Variants in BCAT1 observed in about 807,000 individuals in gnomAD.
BCAT1 encodes the protein branched-chain-amino-acid aminotransferase, cytosolic.
Under a neutral mutation model 52.4 loss-of-function variants are expected in BCAT1, and 48 were observed. The ratio of observed to expected loss-of-function variants is 0.92; its 90% CI spans 0.73 to 1.16. The LOEUF is 1.16. Among genes scored for constraint, BCAT1 ranks in the 50% most tolerant of loss-of-function variants. The pLI is 0.00. For synonymous variants in BCAT1, 167 were observed against 161.3 expected (o/e 1.04, Z -0.27); for missense variants, 451 against 457.1 (o/e 0.99, Z 0.12).
At chr12:24,834,716 C>T in intron 8 of BCAT1, 1 of 1,047,616 alleles carries the variant, frequency 9.5e-7, no homozygotes, top group Non-Finnish European at 1.2e-6. Context: ...GTTTCAATTT[C>T]TCTCAGTCTA....
At chr12:24,874,983 G>T (rs1182617548) in intron 5 of BCAT1, among the ~76,000 whole-genome samples, 2 of 141,018 alleles carry the variant, frequency 1.4e-5, no homozygotes, top group African/African-American at 5.3e-5. Flanking sequence ...ACATATAGAA[G>T]TCAGCCAAAA....
At chr12:24,837,146 A>AAGGAAGAAAGAG (rs66475442) in intron 7 of BCAT1, among the ~76,000 whole-genome samples, 1 of 91,930 alleles carries the variant, frequency 1.1e-5, no homozygotes, top group Non-Finnish European at 2.6e-5. Context: ...GGAAGGAAGG[A>AAGGAAGAAAGAG]AAGTTATCTA....
At chr12:24,874,631 T>C (rs1215459350) in intron 5 of BCAT1, among the ~76,000 whole-genome samples, 2 of 152,242 alleles carry the variant, frequency 1.3e-5, no homozygotes, top group Non-Finnish European at 2.9e-5. Context: ...GGCAGACATA[T>C]ATTTCATTCC....
chr12:24,874,547 T>A (rs1942274678), intron 5 of BCAT1, among the ~76,000 whole-genome samples: 1 of 152,228 alleles, frequency 6.6e-6, no homozygotes, highest in South Asian at 2.1e-4. Context: ...AGTTTAGCTT[T>A]CAATTATATA....
rs1189543138 is a variant in BCAT1, at chr12:24,815,033, A to T, written c.*2975T>A. On this transcript the variant is annotated 3_prime_UTR_variant, in exon 11 of 11. Transcript: ENST00000261192. ...AGCATGGAACACATCTCTGAAGTCA[A>T]CTCTTCTTTTGGTGTATCACGAGTT... 1 of 151,892 alleles carries T rather than the reference A, an allele frequency of 6.6e-6. No homozygotes were observed. The highest frequency in any genetic ancestry group is 2.4e-5 in the African/African-American group (1 of 41,372). 9.4% of individuals were successfully genotyped at this position (151,892 alleles called of 1,614,324 possible).
chr12:24,882,564 T>C (rs1942533013), intron 3 of BCAT1, among the ~76,000 whole-genome samples: 1 of 151,980 alleles, frequency 6.6e-6, no homozygotes, highest in Non-Finnish European at 1.5e-5. Context: ...CAGAAAAAGA[T>C]ATATCATGCA....
chr12:24,876,260 TAA>T (rs71448093), intron 5 of BCAT1, among the ~76,000 whole-genome samples: 24 of 109,852 alleles, frequency 2.2e-4, no homozygotes, highest in Admixed American at 1.2e-3. Flanking sequence ...GAGGGAGATG[TAA>T]AAAAAAAAAA....
intron 2 of BCAT1, among the ~76,000 whole-genome samples, chr12:24,895,919 T>G (rs1347261923): frequency 6.6e-6 from 1 of 152,210 alleles, no homozygotes; most frequent in African/African-American, 2.4e-5. Context: ...GACAGAATAT[T>G]ACTGTAATGT....
intron 1 of BCAT1, among the ~76,000 whole-genome samples, chr12:24,931,059 C>A (rs1212343939): frequency 1.3e-5 from 2 of 151,886 alleles, no homozygotes; most frequent in African/African-American, 4.8e-5. Flanking sequence ...CCCACCACCA[C>A]GCCTGGCTAA....
intron 10 of BCAT1, among the ~76,000 whole-genome samples, chr12:24,828,198 A>G (rs145947127): frequency 2.6e-5 from 4 of 152,380 alleles, no homozygotes; most frequent in South Asian, 2.1e-4. Flanking sequence ...TTACTTTTCA[A>G]TGTAAGTCTC....
intron 1 of BCAT1, among the ~76,000 whole-genome samples, chr12:24,931,245 T>C (rs1943671592): frequency 6.6e-6 from 1 of 151,940 alleles, no homozygotes; most frequent in African/African-American, 2.4e-5. Flanking sequence ...AGAAGAAATA[T>C]GAAGAGTAAA....
At chr12:24,871,506 T>C (rs1487938814) in intron 5 of BCAT1, among the ~76,000 whole-genome samples, 2 of 152,176 alleles carry the variant, frequency 1.3e-5, no homozygotes, top group Non-Finnish European at 2.9e-5. Context: ...TAAAATTACA[T>C]GTATAAAAAG....
At chr12:24,831,732 G>A (rs981790401) in intron 9 of BCAT1, among the ~76,000 whole-genome samples, 1 of 152,182 alleles carries the variant, frequency 6.6e-6, no homozygotes, top group Non-Finnish European at 1.5e-5. Context: ...GTTGTTCAAG[G>A]ATCTGCTATA....
intron 6 of BCAT1, 116 bp downstream of exon 6, chr12:24,849,670 C>T (rs576384302): frequency 9.5e-6 from 11 of 1,155,446 alleles, no homozygotes; most frequent in South Asian, 9.0e-5. Flanking sequence ...AACCATGAAA[C>T]ACAATGAGCA....
chr12:24,891,712 T>C (rs1473280356), intron 3 of BCAT1, among the ~76,000 whole-genome samples: 1 of 151,996 alleles, frequency 6.6e-6, no homozygotes, highest in African/African-American at 2.4e-5. Flanking sequence ...CCAATCAAAG[T>C]AGCATTCCAA....
chr12:24,880,191 G>A (rs944293434), intron 4 of BCAT1, among the ~76,000 whole-genome samples: 32 of 152,216 alleles, frequency 2.1e-4, no homozygotes, highest in Admixed American at 2.0e-4. Context: ...GCTCATGCCT[G>A]TAATCCCAGA....
In BCAT1 at chr12:24,855,058, G is replaced by T. The variant is rs1351198812; in HGVS notation, c.511-5109C>A. Among the ~76,000 whole-genome samples, 6 of 152,258 alleles carry T rather than the reference G, an allele frequency of 3.9e-5. No homozygotes were observed. In the East Asian group the frequency reaches 9.7e-4, roughly 25 times the overall value. The stretch of plus-strand genomic sequence containing the variant: ...AAAGTCCAGTCATCCTGCTAGCCTT[G>T]AGAAGTAAATGAGCAACTCGATAAG... On this transcript the variant is annotated intron_variant, in intron 5 of 10. Transcript: ENST00000261192.
At chr12:24,828,899 C>T (rs753139893) in intron 10 of BCAT1, among the ~76,000 whole-genome samples, 3 of 151,794 alleles carry the variant, frequency 2.0e-5, no homozygotes, top group South Asian at 2.1e-4. Context: ...CCCAGCTACT[C>T]GGGAGGCTGA....
chr12:24,928,165 T>C (rs946436948), intron 1 of BCAT1, among the ~76,000 whole-genome samples: 4 of 152,270 alleles, frequency 2.6e-5, no homozygotes, highest in Admixed American at 2.0e-4. Context: ...CTGAGTCACA[T>C]AGCATGTTTG....
Sources: allele counts gnomAD v4.1 joint callset (sites outside exome capture counted in the v4.1 genomes callset), GRCh38; gene constraint gnomAD v4.1.1; transcripts MANE v1.5; gene names NCBI Gene and HGNC (gene_info 2026-07-23, HGNC 2026-07-21).